The following DUOX1 variants were observed in gnomAD, a reference collection of about 807,000 sequenced individuals.
DUOX1 encodes NADPH thyroid oxidase 1.
Under a neutral mutation model 181.8 loss-of-function variants are expected in DUOX1, and 134 were observed. The observed-to-expected ratio is 0.74, with a 90% confidence interval of 0.64 to 0.85. The LOEUF (loss-of-function observed/expected upper bound fraction) is 0.85, where lower values mean the gene tolerates loss of function less well. Among genes scored for constraint, DUOX1 ranks in the 40% least tolerant of loss-of-function variants. DUOX1 has a pLI of 0.00. For synonymous variants in DUOX1, 798 were observed against 832.5 expected (o/e 0.96, Z 0.71); for missense variants, 1,814 against 2,064.4 (o/e 0.88, Z 2.35).
chr15:45,145,174 A>G (rs1896618482), intron 18 of DUOX1, 94 bp downstream of exon 18: 1 of 1,203,448 alleles, frequency 8.3e-7, no homozygotes, highest in African/African-American at 1.5e-5. Flanking sequence ...CAAAGCCCAG[A>G]GTTCTCAGCT....
intron 9 of DUOX1, 52 bp downstream of exon 9, chr15:45,136,677 T>C (rs188427152): frequency 4.5e-5 from 72 of 1,584,664 alleles, no homozygotes; most frequent in Non-Finnish European, 6.1e-5. Flanking sequence ...GGCTGTCAAC[T>C]GAGGAAAATC....
At chr15:45,131,197 C>T (rs996916750) in intron 1 of DUOX1, among the ~76,000 whole-genome samples, 2 of 152,172 alleles carry the variant, frequency 1.3e-5, no homozygotes, top group Non-Finnish European at 2.9e-5. Context: ...ACTCCTTACT[C>T]GCACTCAGGA....
At position 45,139,537 on chromosome 15, in the gene DUOX1, G is replaced by C. The variant is rs1213003105; in HGVS notation, c.1327G>C (p.Gly443Arg). 1 of 1,612,954 alleles carries C rather than the reference G, an allele frequency of 6.2e-7. No individual in the cohort carries two copies. Among genetic ancestry groups the C allele is most frequent in the South Asian group, 1.1e-5 (1 of 90,870 alleles). The change falls in exon 12 of 34, where the codon GGC (glycine) becomes CGC (arginine). Residue 443 changes from glycine (G) to arginine (R), a missense_variant. By Grantham distance (125) the Gly-to-Arg change is moderately radical. Coordinates refer to ENST00000389037, the MANE Select transcript of DUOX1 (RefSeq NM_175940.3). Reference protein sequence around the residue: ...PSYTKARAALGLSPITRWQDI... With the variant: ...PSYTKARAALRLSPITRWQDI... ...TTACACCAAGGCCAGGGCAGCACTG[G>C]GCTTGTCTCCCATTACCCGCTGGCA... is the stretch of plus-strand genomic sequence containing the variant.
In DUOX1 at chr15:45,148,508, C is replaced by T. The variant is rs561040065; in HGVS notation, c.2818+61C>T. Reference sequence around the variant, plus strand: ...TTAGGCATAGTAGGCACAATGCCCACATACTTTTAGGAGTCCACAGAAATG... The same window carrying T: ...TTAGGCATAGTAGGCACAATGCCCATATACTTTTAGGAGTCCACAGAAATG... On this transcript the variant is annotated intron_variant, in intron 21 of 33. Coordinates refer to ENST00000389037, the MANE Select transcript of DUOX1 (RefSeq NM_175940.3). 6 of 1,521,000 alleles carry T rather than the reference C, an allele frequency of 3.9e-6. No homozygotes were observed. In the Admixed American group the frequency reaches 8.1e-5, roughly 20 times the overall value. The allele number at this position is 1,521,000 out of a possible 1,614,324, so 94.2% of individuals were successfully genotyped here.
At chr15:45,141,108 G>A (rs747331580) in intron 13 of DUOX1, 38 bp downstream of exon 13, 61 of 1,612,712 alleles carry the variant, frequency 3.8e-5, no homozygotes, top group Non-Finnish European at 4.6e-5. Context: ...GCTCTACCTC[G>A]GCCTGGGCCC....
rs748553258 is a variant in DUOX1 at position 45,163,919 on chromosome 15, G to C, written c.4533+1G>C. 1 of 1,613,852 alleles carries C rather than the reference G, an allele frequency of 6.2e-7. No homozygotes were observed. The highest frequency in any genetic ancestry group is 1.1e-5 in the South Asian group (1 of 91,056). On this transcript the variant is annotated splice_donor_variant, in intron 33 of 33. Transcript: ENST00000389037. LOFTEE classifies it high-confidence loss of function. The stretch of plus-strand genomic sequence containing the variant: ...CTCCCTGCAGGAGGTCCACCCCCAG[G>C]TCAGTCCAACCCATAACCAGGTTCT...
At position 45,150,675 on chromosome 15, in the gene DUOX1, C is replaced by T; in HGVS notation, c.2862C>T (p.Ala954=). ...PEVIKDLCRR[A]SYISQDMICP... ...TCATCAAGGACCTCTGCCGGCGAGCCTCCTACATCAGCCAGGATATGATCT... is the reference window on the plus strand; with the variant it reads ...TCATCAAGGACCTCTGCCGGCGAGCTTCCTACATCAGCCAGGATATGATCT... The change falls in exon 22 of 34, where the codon GCC becomes GCT. Residue 954 remains alanine (A), a synonymous_variant. Coordinates refer to ENST00000389037, the MANE Select transcript of DUOX1 (RefSeq NM_175940.3). 6.2e-7 allele frequency: 1 copy of T among 1,613,884 alleles called. No individual in the cohort carries two copies. The highest frequency in any genetic ancestry group is 8.5e-7 in the Non-Finnish European group (1 of 1,179,950).
At chr15:45,157,863 C>T (rs556759330) in intron 28 of DUOX1, among the ~76,000 whole-genome samples, 6 of 151,792 alleles carry the variant, frequency 4.0e-5, no homozygotes, top group Non-Finnish European at 8.8e-5. Flanking sequence ...AGGTGGAGGC[C>T]TCTATGCTAG....
At chr15:45,153,925 G>GTC in intron 26 of DUOX1, 26 bp from the exon 27 acceptor site, 1 of 1,598,200 alleles carries the variant, frequency 6.3e-7, no homozygotes, top group Non-Finnish European at 8.6e-7. Context: ...CTCTCAAGGT[G>GTC]TCTCTTTGCT....
Position 45,141,876 on chromosome 15 carries a change from G to C in DUOX1, c.1685-99G>C, listed in dbSNP as rs142978735. 2.9e-4 allele frequency: 413 copies of C among 1,401,420 alleles called. 5 individuals are homozygous for C. In the African/African-American group the frequency reaches 5.0e-3, roughly 17 times the overall value. 86.8% of individuals were successfully genotyped at this position (1,401,420 alleles called of 1,614,324 possible). ...AGCCCCTTCCCCTCAGCTACCCAGAGTGCCCCCACCCCCTTTCTGCCACCC... is the reference window on the plus strand; with the variant it reads ...AGCCCCTTCCCCTCAGCTACCCAGACTGCCCCCACCCCCTTTCTGCCACCC... On this transcript the variant is annotated intron_variant, in intron 14 of 33. Transcript: ENST00000389037.
intron 18 of DUOX1, among the ~76,000 whole-genome samples, chr15:45,146,449 C>T (rs1478983849): frequency 6.6e-6 from 1 of 152,178 alleles, no homozygotes; most frequent in Non-Finnish European, 1.5e-5. Context: ...TATGGGAACT[C>T]CCTGTGCTGA....
chr15:45,147,388 G>A (rs2141277297), intron 18 of DUOX1, 45 bp from the exon 19 acceptor site: 1 of 1,590,558 alleles, frequency 6.3e-7, no homozygotes, highest in South Asian at 1.1e-5. Flanking sequence ...TCAAGTCAAG[G>A]AAGCCTTGTC....
intron 27 of DUOX1, among the ~76,000 whole-genome samples, chr15:45,154,252 G>A (rs1896910281): frequency 6.6e-6 from 1 of 152,170 alleles, no homozygotes; most frequent in African/African-American, 2.4e-5. Context: ...AGGGTTAGGA[G>A]GAGAAATATC....
chr15:45,149,273 C>T (rs1008992857), intron 21 of DUOX1, among the ~76,000 whole-genome samples: 1 of 152,188 alleles, frequency 6.6e-6, no homozygotes, highest in Admixed American at 6.5e-5. Context: ...CAGGGCTTCC[C>T]CCTGGGGGTA....
intron 4 of DUOX1, 78 bp downstream of exon 4, chr15:45,134,387 TGA>T (rs1203291449): frequency 3.4e-5 from 50 of 1,467,872 alleles, no homozygotes; most frequent in Non-Finnish European, 4.4e-5. Context: ...GGTCAGAGGA[TGA>T]GAGAGAAGTG....
rs72204897 is a variant in DUOX1, at chr15:45,138,078, ATG to A, written c.1113+91_1113+92del. 4,825 of 547,518 alleles carry A rather than the reference ATG, an allele frequency of 8.8e-3. 22 individuals are homozygous for A. Among genetic ancestry groups the A allele is most frequent in the East Asian group, 0.05 (1,390 of 28,062 alleles). The allele number at this position is 547,518 out of a possible 1,614,324, so 33.9% of individuals were successfully genotyped here. A position where few individuals can be genotyped will look rare whatever the true frequency, so the allele number is the denominator to read the frequency against. ...TGTGCATGCTTATGTGTGTGTGTGT[ATG>A]TGTGTGTGTGTGTGTGTGTGTGTGT... On this transcript the variant is annotated intron_variant, in intron 10 of 33. Coordinates refer to ENST00000389037, the MANE Select transcript of DUOX1 (RefSeq NM_175940.3).
In DUOX1 at chr15:45,151,230, G is replaced by A. The variant is rs199799195; in HGVS notation, c.2996G>A (p.Arg999Gln). 1.3e-5 allele frequency: 21 copies of A among 1,613,952 alleles called. No homozygotes were observed. Among genetic ancestry groups the A allele is most frequent in the East Asian group, 2.2e-5 (1 of 44,892 alleles). ...PMDTDPPQEIRRRFGKKVTSF... is the reference protein window; with the variant it reads ...PMDTDPPQEIQRRFGKKVTSF... ...GACACAGACCCTCCCCAGGAGATTCGGCGGAGGTTTGGCAAGAAGTATGTC... is the reference window on the plus strand; with the variant it reads ...GACACAGACCCTCCCCAGGAGATTCAGCGGAGGTTTGGCAAGAAGTATGTC... The change falls in exon 23 of 34, where the codon CGG (arginine) becomes CAG (glutamine). Residue 999 changes from arginine to glutamine, a missense_variant. This residue lies in a region of DUOX1 where 1,064 missense variants were observed against 1,152.9 expected (regional missense o/e 0.92). Transcript: ENST00000389037.
chr15:45,134,143 AGGCTCCC>A lies in DUOX1; in HGVS notation c.146_152del (p.Ser49CysfsTer42), dbSNP rs757771746. 33 of 1,550,382 alleles carry A rather than the reference AGGCTCCC, an allele frequency of 2.1e-5. No homozygotes were observed. In the Admixed American group the frequency reaches 2.7e-4, roughly 13 times the overall value. On this transcript the variant is annotated splice_acceptor_variant and coding_sequence_variant, in exon 4 of 34. Transcript: ENST00000389037. LOFTEE classifies it high-confidence loss of function. ...TCCTTATCCTTACCCCTCCTACCCC[AGGCTCCC>A]GGCTGCAGCGCCTGGTCCCAGCCAG...
chr15:45,138,174 G>A (rs915794015), intron 10 of DUOX1, among the ~76,000 whole-genome samples, 160 bp downstream of exon 10: 1 of 152,094 alleles, frequency 6.6e-6, no homozygotes, highest in Admixed American at 6.6e-5. Context: ...GAAGGAGGCA[G>A]CCTGGAGGAC....
Sources: allele counts gnomAD v4.1 joint callset (sites outside exome capture counted in the v4.1 genomes callset), GRCh38; gene constraint gnomAD v4.1.1; regional missense constraint gnomAD v4.1.1; transcripts MANE v1.5; gene names NCBI Gene and HGNC (gene_info 2026-07-23, HGNC 2026-07-21).